The following IHH variants were observed in gnomAD, a reference collection of about 807,000 sequenced individuals.
IHH encodes the protein indian hedgehog protein.
Under a neutral mutation model 29.4 loss-of-function variants are expected in IHH, and 9 were observed. The ratio of observed to expected loss-of-function variants is 0.31; its 90% CI spans 0.18 to 0.53. IHH has a LOEUF of 0.53. Ranked by LOEUF, IHH falls within the 20% of genes least tolerant of loss-of-function variation. The pLI, the probability that IHH is intolerant of heterozygous loss-of-function variation, is 0.95. For synonymous variants in IHH, 254 were observed against 252.7 expected (o/e 1.01, Z -0.05); for missense variants, 454 against 578.1 (o/e 0.79, Z 2.20).
In IHH at chr2:219,059,033, T is replaced by C. The variant is rs2106309649; in HGVS notation, c.315+1120A>G. On this transcript the variant is annotated intron_variant, in intron 1 of 2. Transcript: ENST00000295731. The surrounding 1 kb of genome is among the most constrained non-coding windows in gnomAD (Gnocchi z 4.7). ...AGCCCTGGTTCCCCGCCTCTCTCCC[T>C]CACTGCCACCGCCCCCTCTCGGGTC... Among the ~76,000 whole-genome samples, 1 of 151,988 alleles carries C rather than the reference T, an allele frequency of 6.6e-6. No homozygotes were observed. The highest frequency in any genetic ancestry group is 1.9e-4 in the East Asian group (1 of 5,140).
In IHH at chr2:219,055,301, A is replaced by C; in HGVS notation, c.1142T>G (p.Val381Gly). The C allele has an allele frequency of 1.9e-6, 3 of 1,612,746 alleles. No individual in the cohort carries two copies. The highest frequency in any genetic ancestry group is 1.7e-6 in the Non-Finnish European group (2 of 1,179,772). ...GTAGAGCAGCTGGGGGTACCAATGC[A>C]CACCCTCCCCCGGAGTCCAGCTGCC... ...AWGSWTPGEG[V>G]HWYPQLLYRL... Residue 381 changes from valine to glycine, a missense_variant, in exon 3 of 3, where the codon GTG becomes GGG. Transcript: ENST00000295731.
intron 1 of IHH, among the ~76,000 whole-genome samples, chr2:219,058,920 G>C (rs1296652817): frequency 6.6e-6 from 1 of 152,170 alleles, no homozygotes; most frequent in Non-Finnish European, 1.5e-5. Context: ...GCCTGGCTGG[G>C]GGTGCTTACT....
chr2:219,060,589 C>A lies in IHH; in HGVS notation c.-122G>T. On this transcript the variant is annotated 5_prime_UTR_variant, in exon 1 of 3. Coordinates refer to ENST00000295731, the MANE Select transcript of IHH (RefSeq NM_002181.4). The surrounding 1 kb of genome is among the most constrained non-coding windows in gnomAD (Gnocchi z 8.8). ...GGCTCCGGGGGGCTCCAGGCGGGGG[C>A]GCCATGGGCGGCGTGGTGCGGCCAG... 1.8e-6 allele frequency: 1 copy of A among 561,214 alleles called. No homozygotes were observed. The allele number at this position is 561,214 out of a possible 1,614,324, so 34.8% of individuals were successfully genotyped here. A position where few individuals can be genotyped will look rare whatever the true frequency, so the allele number is the denominator to read the frequency against.
rs72967954 is a variant in IHH at position 219,057,847 on chromosome 2, C to A, written c.316-153G>T. Among the ~76,000 whole-genome samples, 17,705 of 152,290 alleles carry A rather than the reference C, an allele frequency of 0.12. 1,085 individuals carry two copies. Among genetic ancestry groups the A allele is most frequent in the African/African-American group, 0.16 (6,685 of 41,556 alleles). On this transcript the variant is annotated intron_variant, in intron 1 of 2. Coordinates refer to ENST00000295731, the MANE Select transcript of IHH (RefSeq NM_002181.4). ...GGGTGCTGTCCCTCTCCCTTAGGAA[C>A]AGAGGGCCCTGAAGTGCTCCCTCCC...
intron 1 of IHH, 130 bp from the exon 2 acceptor site, chr2:219,057,824 G>A: frequency 7.9e-7 from 1 of 1,266,400 alleles, no homozygotes; most frequent in Non-Finnish European, 1.1e-6. Flanking sequence ...GCCCGGGAGG[G>A]TGCTGTCCCT....
chr2:219,058,510 C>A (rs1463863877), intron 1 of IHH, among the ~76,000 whole-genome samples: 1 of 152,164 alleles, frequency 6.6e-6, no homozygotes, highest in Admixed American at 6.5e-5. Context: ...GCCCCTATAC[C>A]GTAGGAAGGA....
In IHH at chr2:219,055,183, C is replaced by T. The variant is rs1325886787; in HGVS notation, c.*24G>A. On this transcript the variant is annotated 3_prime_UTR_variant, in exon 3 of 3. Coordinates refer to ENST00000295731, the MANE Select transcript of IHH (RefSeq NM_002181.4). ...GCTTCTGGACCCAGTACAGCAGTTC[C>T]AGGAGGGCAGCGGTGGAGTCCTTTC... 1 of 1,552,520 alleles carries T rather than the reference C, an allele frequency of 6.4e-7. No individual in the cohort carries two copies. Among genetic ancestry groups the T allele is most frequent in the African/African-American group, 1.4e-5 (1 of 73,132 alleles).
chr2:219,056,332 G>A (rs1323175899), intron 2 of IHH, among the ~76,000 whole-genome samples: 2 of 152,332 alleles, frequency 1.3e-5, no homozygotes, highest in African/African-American at 4.8e-5. Flanking sequence ...TGGGGCAAAG[G>A]CAGACTCCTG....
At chr2:219,057,288 G>A (rs1403581091) in intron 2 of IHH, 145 bp downstream of exon 2, 1 of 918,406 alleles carries the variant, frequency 1.1e-6, no homozygotes, top group Non-Finnish European at 1.7e-6. Flanking sequence ...ACGGTCAGGA[G>A]CAGCCTTGGA....
chr2:219,055,030 C>CG lies in IHH; in HGVS notation c.*176dup. The stretch of plus-strand genomic sequence containing the variant: ...TTGCAGCTCTATGACTACACCACGA[C>CG]GGGGGTGGGGGACGCTGGTGTTGCC... On this transcript the variant is annotated 3_prime_UTR_variant, in exon 3 of 3. Coordinates refer to ENST00000295731, the MANE Select transcript of IHH (RefSeq NM_002181.4). The CG allele has an allele frequency of 1.5e-6, 1 of 681,278 alleles. No homozygotes were observed. Among genetic ancestry groups the CG allele is most frequent in the Non-Finnish European group, 2.5e-6 (1 of 399,066 alleles). 42.2% of individuals were successfully genotyped at this position (681,278 alleles called of 1,614,324 possible).
In IHH at chr2:219,055,037, G is replaced by T. The variant is rs1322435297; in HGVS notation, c.*170C>A. 2 of 703,262 alleles carry T rather than the reference G, an allele frequency of 2.8e-6. No homozygotes were observed. Among genetic ancestry groups the T allele is most frequent in the Non-Finnish European group, 4.8e-6 (2 of 417,618 alleles). 43.6% of individuals were successfully genotyped at this position (703,262 alleles called of 1,614,324 possible). On this transcript the variant is annotated 3_prime_UTR_variant, in exon 3 of 3. Coordinates refer to ENST00000295731, the MANE Select transcript of IHH (RefSeq NM_002181.4). ...TCTATGACTACACCACGACGGGGGT[G>T]GGGGACGCTGGTGTTGCCCAGTCAA...
rs1217390323 is a variant in IHH, at chr2:219,059,171, TG to T, written c.315+981del. Among the ~76,000 whole-genome samples, 2 of 152,120 alleles carry T rather than the reference TG, an allele frequency of 1.3e-5. No homozygotes were observed. The highest frequency in any genetic ancestry group is 2.9e-5 in the Non-Finnish European group (2 of 68,012). On this transcript the variant is annotated intron_variant, in intron 1 of 2. Transcript: ENST00000295731. This position sits in a 1 kb window ranked among gnomAD's most constrained non-coding sequence, Gnocchi z 4.7. ...ACCAGCCAACCTTCGGCCCCGACAC[TG>T]GCCGGCCAGCCCCGGCGCCAGGGTG...
In IHH at chr2:219,055,693, C is replaced by T; in HGVS notation, c.750G>A (p.Glu250=). Residue 250 remains glutamate, a synonymous_variant, in exon 3 of 3, where the codon GAG becomes GAA. Coordinates refer to ENST00000295731, the MANE Select transcript of IHH (RefSeq NM_002181.4). The part of the protein sequence containing the change: ...FSDVLIFLDR[E]PHRLRAFQVI... ...CCTGGAAGGCTCTCAGCCTGTGAGG[C>T]TCGCGGTCCAGGAAAATGAGCACAT... is the stretch of plus-strand genomic sequence containing the variant. 1 of 1,613,792 alleles carries T rather than the reference C, an allele frequency of 6.2e-7. No individual in the cohort carries two copies. The highest frequency in any genetic ancestry group is 1.1e-5 in the South Asian group (1 of 91,076).
Position 219,060,055 on chromosome 2 carries a change from C to T in IHH, c.315+98G>A. The T allele has an allele frequency of 9.4e-7, 1 of 1,068,360 alleles. No homozygotes were observed. The highest frequency in any genetic ancestry group is 1.4e-6 in the Non-Finnish European group (1 of 728,612). 66.2% of individuals were successfully genotyped at this position (1,068,360 alleles called of 1,614,324 possible). A position where few individuals can be genotyped will look rare whatever the true frequency, so the allele number is the denominator to read the frequency against. On this transcript the variant is annotated intron_variant, in intron 1 of 2. Transcript: ENST00000295731. This position sits in a 1 kb window ranked among gnomAD's most constrained non-coding sequence, Gnocchi z 8.8. ...GGCGAGAGGGGCAGGTGCCAGGGAG[C>T]GTGCCAGCCAGTCGAGAAAATGTGC...
chr2:219,055,147 C>T lies in IHH; in HGVS notation c.*60G>A. The T allele has an allele frequency of 1.3e-6, 2 of 1,536,780 alleles. No homozygotes were observed. Among genetic ancestry groups the T allele is most frequent in the South Asian group, 2.4e-5 (2 of 83,536 alleles). On this transcript the variant is annotated 3_prime_UTR_variant, in exon 3 of 3. Coordinates refer to ENST00000295731, the MANE Select transcript of IHH (RefSeq NM_002181.4). ...GGTCCCTTCCAGGGCCAGCTCCCTC[C>T]TGGCTGAGAGGCTTCTGGACCCAGT...
At position 219,059,817 on chromosome 2, in the gene IHH, G is replaced by A. The variant is rs1948864935; in HGVS notation, c.315+336C>T. ...GGCCGGGAGGGACTGCGTGGGTCCT[G>A]GAGGCGCAGGAGGCAGCCGGGTAGA... On this transcript the variant is annotated intron_variant, in intron 1 of 2. Transcript: ENST00000295731. The surrounding 1 kb of genome is among the most constrained non-coding windows in gnomAD (Gnocchi z 4.7). Among the ~76,000 whole-genome samples the A allele has an allele frequency of 6.6e-6, 1 of 152,234 alleles. No individual in the cohort carries two copies. Among genetic ancestry groups the A allele is most frequent in the Non-Finnish European group, 1.5e-5 (1 of 68,046 alleles).
At chr2:219,057,288 G>T in intron 2 of IHH, 145 bp downstream of exon 2, 1 of 918,406 alleles carries the variant, frequency 1.1e-6, no homozygotes, top group Non-Finnish European at 1.7e-6. Context: ...ACGGTCAGGA[G>T]CAGCCTTGGA....
intron 2 of IHH, 57 bp from the exon 3 acceptor site, chr2:219,055,922 C>T: frequency 6.4e-7 from 1 of 1,551,896 alleles, no homozygotes; most frequent in Non-Finnish European, 8.7e-7. Context: ...CTCCTGGTCA[C>T]AACGACCCTC....
intron 2 of IHH, among the ~76,000 whole-genome samples, chr2:219,056,414 C>T (rs1345996543): frequency 1.3e-5 from 2 of 152,208 alleles, no homozygotes; most frequent in Non-Finnish European, 2.9e-5. Flanking sequence ...CTTCAGTTCA[C>T]ATGCTGAGTC....
Sources: gnomAD v4.1 joint callset for allele counts (sites outside exome capture counted in the v4.1 genomes callset) on GRCh38, gnomAD v4.1.1 for gene constraint, Gnocchi (gnomAD v3.1) non-coding constraint, MANE v1.5 for transcripts, NCBI Gene and HGNC (gene_info 2026-07-23, HGNC 2026-07-21) for gene names.